PKD2: variants seen among roughly 807,000 people sequenced by gnomAD.
PKD2 encodes polycystin 2, transient receptor potential cation channel, also known as polycystin-2.
In PKD2, 48 loss-of-function variants were observed where a neutral mutation model predicts 105.9. The observed-to-expected ratio is 0.45, with a 90% CI of 0.36 to 0.58. The LOEUF is 0.58. Ranked by LOEUF, PKD2 falls within the 20% of genes least tolerant of loss-of-function variation. The pLI, the probability that PKD2 is intolerant of heterozygous loss-of-function variation, is 0.00. For synonymous variants in PKD2, 464 were observed against 481.1 expected (o/e 0.96, Z 0.46); for missense variants, 1,078 against 1,255.3 (o/e 0.86, Z 2.13).
Position 88,007,792 on chromosome 4 carries a change from C to T in PKD2, c.59C>T (p.Ala20Val), listed in dbSNP as rs1213258236. The part of the protein sequence containing the change: ...QQPGDAKRPP[A>V]PRAPDPGRLM... ...CCCGGGGACGCCAAGCGGCCGCCCG[C>T]GCCCCGCGCGCCGGACCCGGGCCGG... Residue 20 changes from alanine to valine, a missense_variant, in exon 1 of 15, where the codon GCG becomes GTG. Physicochemically the swap from Ala to Val is moderately conservative, Grantham distance 64 (BLOSUM62 0). Around this residue, in one of 2 missense-constraint regions of PKD2, gnomAD observed 210 missense variants for 187.9 expected, o/e 1.12. Coordinates refer to ENST00000237596, the MANE Select transcript of PKD2 (RefSeq NM_000297.4). 3.5e-6 allele frequency: 4 copies of T among 1,157,606 alleles called. No individual in the cohort carries two copies. The highest frequency in any genetic ancestry group is 9.9e-5 in the East Asian group (2 of 20,244). 71.7% of individuals were successfully genotyped at this position (1,157,606 alleles called of 1,614,324 possible). A position where few individuals can be genotyped will look rare whatever the true frequency, so the allele number is the denominator to read the frequency against.
chr4:88,065,279 A>G, intron 10 of PKD2, 95 bp from the exon 11 acceptor site: 1 of 1,056,066 alleles, frequency 9.5e-7, no homozygotes, highest in South Asian at 1.3e-5. Context: ...AATGTACACC[A>G]GGTTTGTAGT....
intron 14 of PKD2, 42 bp from the exon 15 acceptor site, chr4:88,075,416 C>T (rs1204817820): frequency 7.0e-7 from 1 of 1,425,200 alleles, no homozygotes; most frequent in South Asian, 1.1e-5. Context: ...TAAGGCATTT[C>T]CTTCTACTGC....
intron 7 of PKD2, among the ~76,000 whole-genome samples, chr4:88,052,654 A>C (rs758482146): frequency 1.4e-4 from 21 of 152,158 alleles, no homozygotes; most frequent in Non-Finnish European, 2.9e-4. Context: ...TATCTGAATT[A>C]GTGCAAGATC....
At chr4:88,010,094 A>ATTT (rs34009054) in intron 1 of PKD2, among the ~76,000 whole-genome samples, 1 of 143,312 alleles carries the variant, frequency 7.0e-6, no homozygotes, top group Non-Finnish European at 1.5e-5. Context: ...GGAATCGGGA[A>ATTT]TTTTTTTTTT....
At chr4:88,040,333 A>T (rs1402191893) in intron 4 of PKD2, among the ~76,000 whole-genome samples, 1 of 152,046 alleles carries the variant, frequency 6.6e-6, no homozygotes, top group Non-Finnish European at 1.5e-5. Context: ...GAGGGCAGGG[A>T]TTCTATTTTG....
chr4:88,073,697 G>A (rs1296293375), intron 13 of PKD2, among the ~76,000 whole-genome samples: 1 of 152,166 alleles, frequency 6.6e-6, no homozygotes, highest in East Asian at 1.9e-4. Flanking sequence ...AGGAGAGAAG[G>A]CTCAGATTAT....
Position 88,043,334 on chromosome 4 carries a change from G to C in PKD2, c.1196G>C (p.Arg399Thr). 1 of 1,613,866 alleles carries C rather than the reference G, an allele frequency of 6.2e-7. No homozygotes were observed. The highest frequency in any genetic ancestry group is 1.1e-5 in the South Asian group (1 of 91,082). The change falls in exon 5 of 15, where the codon AGA becomes ACA. Residue 399 changes from arginine to threonine, a missense_variant. Arg to Thr is a moderately conservative substitution (Grantham distance 71). Around this residue, in one of 2 missense-constraint regions of PKD2, gnomAD observed 868 missense variants for 1,067.3 expected, o/e 0.81. Transcript: ENST00000237596. ...TATTATCTGGATTTGTCAAGAACAA[G>C]AGAGGAAACAGCTGCACAAGTTGCT... is the stretch of plus-strand genomic sequence containing the variant. ...AGYYLDLSRT[R>T]EETAAQVASL...
chr4:88,030,420 T>C lies in PKD2; in HGVS notation c.710-5800T>C, dbSNP rs139477183. On this transcript the variant is annotated intron_variant, in intron 2 of 14. Coordinates refer to ENST00000237596, the MANE Select transcript of PKD2 (RefSeq NM_000297.4). ...CCAAAGTGCTGGGATCACTCTTCCA[T>C]TTAACATGCTATCTCAACGTCAAGA... is the stretch of plus-strand genomic sequence containing the variant. Among the ~76,000 whole-genome samples, 26 of 152,312 alleles carry C rather than the reference T, an allele frequency of 1.7e-4. 1 individual carries two copies. In the East Asian group the frequency reaches 5.0e-3, roughly 29 times the overall value.
At chr4:88,065,539 A>G (rs1473844943) in intron 11 of PKD2, 44 bp downstream of exon 11, 2 of 1,597,252 alleles carry the variant, frequency 1.3e-6, no homozygotes, top group South Asian at 1.1e-5. Flanking sequence ...TCCTGCTTCT[A>G]AAGATAAATT....
Position 88,055,105 on chromosome 4 carries a change from A to C in PKD2, c.1717-981A>C, listed in dbSNP as rs540307966. On this transcript the variant is annotated intron_variant, in intron 7 of 14. Transcript: ENST00000237596. ...TCACTGTCTACCAGCAGGGTTCACT[A>C]TCTACCAACATGCTCAATATTTCTT... 6.6e-5 allele frequency among the ~76,000 whole-genome samples: 10 copies of C among 152,278 alleles called. No homozygotes were observed. The East Asian group carries it at 1.9e-3, about 29-fold the overall frequency.
chr4:88,073,140 T>C (rs532474731), intron 13 of PKD2, among the ~76,000 whole-genome samples: 1 of 145,614 alleles, frequency 6.9e-6, no homozygotes, highest in African/African-American at 2.6e-5. Flanking sequence ...CACTTGACGC[T>C]AGGAGTTCAA....
chr4:88,072,800 G>A (rs1021710199), intron 13 of PKD2, among the ~76,000 whole-genome samples: 1 of 152,120 alleles, frequency 6.6e-6, no homozygotes, highest in Admixed American at 6.5e-5. Context: ...CACTTTGGGA[G>A]GTCAAGGCAG....
intron 8 of PKD2, among the ~76,000 whole-genome samples, chr4:88,057,393 A>G (rs979990390): frequency 3.3e-5 from 5 of 149,972 alleles, no homozygotes; most frequent in African/African-American, 1.2e-4. Context: ...TTGAAATGTT[A>G]TAGCCAATTG....
At chr4:88,026,620 A>G (rs1474175518) in intron 2 of PKD2, among the ~76,000 whole-genome samples, 1 of 152,246 alleles carries the variant, frequency 6.6e-6, no homozygotes, top group Non-Finnish European at 1.5e-5. Flanking sequence ...AGAAATTTGC[A>G]TAAGTAACGA....
At chr4:88,050,293 G>T (rs1240359538) in intron 6 of PKD2, among the ~76,000 whole-genome samples, 1 of 152,050 alleles carries the variant, frequency 6.6e-6, no homozygotes, top group African/African-American at 2.4e-5. Context: ...CATTTATTCA[G>T]CGAGTGTTTT....
At chr4:88,010,618 G>A (rs943819390) in intron 1 of PKD2, among the ~76,000 whole-genome samples, 1 of 152,192 alleles carries the variant, frequency 6.6e-6, no homozygotes, top group Non-Finnish European at 1.5e-5. Context: ...GAAGTTTGGA[G>A]TGGTCAGGAG....
chr4:88,025,626 AAG>A (rs1168995709), intron 2 of PKD2, among the ~76,000 whole-genome samples: 1 of 151,796 alleles, frequency 6.6e-6, no homozygotes, highest in Admixed American at 6.6e-5. Flanking sequence ...AAAAAAAAAA[AAG>A]AAAAGAAAAG....
intron 2 of PKD2, among the ~76,000 whole-genome samples, chr4:88,022,684 A>G (rs945934401): frequency 2.6e-5 from 4 of 152,310 alleles, no homozygotes; most frequent in African/African-American, 7.2e-5. Flanking sequence ...AAGAATATCA[A>G]ACTCATTACT....
chr4:88,009,315 TTTC>T (rs1331866101), intron 1 of PKD2, among the ~76,000 whole-genome samples: 2 of 152,234 alleles, frequency 1.3e-5, no homozygotes, highest in African/African-American at 2.4e-5. Flanking sequence ...CAGTTGAGTT[TTTC>T]TTGTTCTTCT....
Sources: allele counts gnomAD v4.1 joint callset (sites outside exome capture counted in the v4.1 genomes callset), GRCh38; gene constraint gnomAD v4.1.1; regional missense constraint gnomAD v4.1.1; transcripts MANE v1.5; gene names NCBI Gene and HGNC (gene_info 2026-07-23, HGNC 2026-07-21).